ACVR1B: variants seen among roughly 807,000 people sequenced by gnomAD.
The protein encoded by ACVR1B is activin receptor type-1B.
Under a neutral mutation model 55.6 loss-of-function variants are expected in ACVR1B, and 15 were observed. The ratio of observed to expected loss-of-function variants is 0.27; its 90% confidence interval spans 0.18 to 0.42. The LOEUF is 0.42. ACVR1B is among the 10% of genes least tolerant of loss of function. The pLI is 1.00. For synonymous variants in ACVR1B, 247 were observed against 254.6 expected (o/e 0.97, Z 0.28); for missense variants, 359 against 670.1 (o/e 0.54, Z 5.13).
chr12:51,978,546 C>A (rs1424411673), intron 3 of ACVR1B, among the ~76,000 whole-genome samples: 3 of 152,012 alleles, frequency 2.0e-5, no homozygotes, highest in African/African-American at 7.2e-5. Flanking sequence ...AGAGCCTGAC[C>A]CGGCCAGGCG....
rs1942195311 is a variant in ACVR1B at position 51,991,734 on chromosome 12, T to C, written c.1262-129T>C. On this transcript the variant is annotated intron_variant, in intron 7 of 8. Transcript: ENST00000257963. ...TGTATTTCTTGTTCCATACTTAGAA[T>C]TAACTAACTTTCTAAGGAACCTTAG... 3.9e-6 allele frequency: 4 copies of C among 1,022,694 alleles called. No homozygotes were observed. The African/African-American group carries it at 6.5e-5, about 17-fold the overall frequency. 63.4% of individuals were successfully genotyped at this position (1,022,694 alleles called of 1,614,324 possible). A position where few individuals can be genotyped will look rare whatever the true frequency, so the allele number is the denominator to read the frequency against.
chr12:51,963,968 T>C (rs1428446235), intron 1 of ACVR1B, among the ~76,000 whole-genome samples: 1 of 152,218 alleles, frequency 6.6e-6, no homozygotes, highest in Non-Finnish European at 1.5e-5. Context: ...CTTTTTCATA[T>C]TGTTATGGCC....
chr12:51,954,172 G>C lies in ACVR1B; in HGVS notation c.91+2338G>C, dbSNP rs367770750. On this transcript the variant is annotated intron_variant, in intron 1 of 8. Coordinates refer to ENST00000257963, the MANE Select transcript of ACVR1B (RefSeq NM_004302.5). The stretch of plus-strand genomic sequence containing the variant: ...AGGAGTGACAGAGCCAGACAGCTCT[G>C]ATGCCTGATACTTGGACTTGATGTG... Among the ~76,000 whole-genome samples, 7 of 152,316 alleles carry C rather than the reference G, an allele frequency of 4.6e-5. No individual in the cohort carries two copies. In the East Asian group the frequency reaches 1.2e-3, roughly 25 times the overall value.
rs1392486080 is a variant in ACVR1B, at chr12:51,994,242, G to T, written c.*132G>T. ...GCCAGGAGCCCTGGCCCGCAAGAGG[G>T]ACAGAGCCCGGGAGAGACTCGCTCA... On this transcript the variant is annotated 3_prime_UTR_variant, in exon 9 of 9. Transcript: ENST00000257963. This position sits in a 1 kb window ranked among gnomAD's most constrained non-coding sequence, Gnocchi z 4.2. The T allele has an allele frequency of 7.4e-6, 10 of 1,344,186 alleles. No individual in the cohort carries two copies. The highest frequency in any genetic ancestry group is 1.0e-5 in the Non-Finnish European group (10 of 987,690). The allele number at this position is 1,344,186 out of a possible 1,614,324, so 83.3% of individuals were successfully genotyped here.
chr12:51,993,947 G>A lies in ACVR1B; in HGVS notation c.1393-38G>A, dbSNP rs754570989. The A allele has an allele frequency of 2.5e-6, 4 of 1,611,454 alleles. No individual in the cohort carries two copies. The East Asian group carries it at 8.9e-5, about 36-fold the overall frequency. On this transcript the variant is annotated intron_variant, in intron 8 of 8. Coordinates refer to ENST00000257963, the MANE Select transcript of ACVR1B (RefSeq NM_004302.5). ...CTAGGGACCAGAAAGGCTTCTCCAG[G>A]GCATGACCGAGCTGATGGCTCCTGG... is the stretch of plus-strand genomic sequence containing the variant.
At chr12:51,962,577 A>G (rs1941554970) in intron 1 of ACVR1B, among the ~76,000 whole-genome samples, 1 of 152,148 alleles carries the variant, frequency 6.6e-6, no homozygotes, top group Admixed American at 6.5e-5. Context: ...TATTTAGGCT[A>G]GTTAGAACTT....
intron 4 of ACVR1B, among the ~76,000 whole-genome samples, chr12:51,982,212 TC>T (rs931039877): frequency 1.8e-4 from 28 of 152,266 alleles, no homozygotes; most frequent in African/African-American, 6.7e-4. Context: ...AGAAAAATCT[TC>T]CTTGCAGGGA....
At chr12:51,987,016 C>A in intron 7 of ACVR1B, 74 bp downstream of exon 7, 1 of 1,603,490 alleles carries the variant, frequency 6.2e-7, no homozygotes, top group Non-Finnish European at 8.5e-7. Context: ...TTTTACTGCC[C>A]CCTTTCTTTT....
intron 1 of ACVR1B, among the ~76,000 whole-genome samples, chr12:51,961,054 C>G (rs1305796734): frequency 1.0e-5 from 1 of 96,982 alleles, no homozygotes; most frequent in Non-Finnish European, 2.4e-5. Context: ...CTCCCCACTT[C>G]TCTTCCTAGC....
intron 1 of ACVR1B, chr12:51,953,535 C>T (rs1018270152): frequency 1.0e-6 from 1 of 982,422 alleles, no homozygotes; most frequent in Admixed American, 6.3e-5. Flanking sequence ...GGATGTTCGT[C>T]GGGCCTTATT....
intron 8 of ACVR1B, among the ~76,000 whole-genome samples, chr12:51,993,417 A>C (rs971014086): frequency 1.3e-5 from 2 of 152,158 alleles, no homozygotes; most frequent in African/African-American, 4.8e-5. Flanking sequence ...TGAGACCAAA[A>C]GAGCTGGCCG....
At chr12:51,969,542 C>T (rs753712893) in intron 1 of ACVR1B, among the ~76,000 whole-genome samples, 41 of 152,202 alleles carry the variant, frequency 2.7e-4, no homozygotes, top group Non-Finnish European at 1.3e-4. Flanking sequence ...ACTACCCACT[C>T]GAGAGAAGGT....
At chr12:51,961,526 T>C (rs913064846) in intron 1 of ACVR1B, among the ~76,000 whole-genome samples, 2 of 152,234 alleles carry the variant, frequency 1.3e-5, no homozygotes, top group Non-Finnish European at 2.9e-5. Flanking sequence ...TCCAGCCAAA[T>C]GAACTTGATC....
intron 1 of ACVR1B, among the ~76,000 whole-genome samples, chr12:51,970,427 G>A (rs1175904124): frequency 2.0e-5 from 3 of 152,140 alleles, no homozygotes; most frequent in Non-Finnish European, 4.4e-5. Context: ...AGTTCCTGTG[G>A]GGATCACAGG....
chr12:51,974,822 G>A (rs552355678), intron 1 of ACVR1B, among the ~76,000 whole-genome samples: 50 of 152,324 alleles, frequency 3.3e-4, no homozygotes, highest in African/African-American at 1.2e-3. Context: ...CAGGAAAAAA[G>A]CATTGCAGCA....
chr12:51,986,827 C>A lies in ACVR1B; in HGVS notation c.1146C>A (p.Ala382=), dbSNP rs149117607. The A allele has an allele frequency of 1.2e-5, 19 of 1,611,778 alleles. No individual in the cohort carries two copies. Among genetic ancestry groups the A allele is most frequent in the Non-Finnish European group, 1.6e-5 (19 of 1,178,416 alleles). The part of the protein sequence containing the change: ...NQRVGTKRYM[A]PEVLDETINM... ...TGTTTTGCTATTGCAGATACATGGC[C>A]CCTGAAGTACTTGATGAAACCATTA... Residue 382 remains alanine (A), a synonymous_variant, in exon 7 of 9, where the codon GCC becomes GCA. Coordinates refer to ENST00000257963, the MANE Select transcript of ACVR1B (RefSeq NM_004302.5).
intron 8 of ACVR1B, chr12:51,992,229 G>A: frequency 1.7e-6 from 1 of 572,212 alleles, no homozygotes; most frequent in Admixed American, 3.2e-5. Flanking sequence ...TTTGGGCCTG[G>A]TGTGGTGGCA....
intron 4 of ACVR1B, among the ~76,000 whole-genome samples, chr12:51,981,949 C>T (rs796153074): frequency 6.6e-6 from 1 of 152,214 alleles, no homozygotes; most frequent in African/African-American, 2.4e-5. Context: ...CACGAAGTGT[C>T]GCCTTCGGAC....
At chr12:51,986,391 T>C (rs951666751) in intron 6 of ACVR1B, among the ~76,000 whole-genome samples, 24 of 152,200 alleles carry the variant, frequency 1.6e-4, no homozygotes, top group African/African-American at 5.8e-4. Context: ...CCCGAGTAGC[T>C]GGGATTACAG....
Sources: gnomAD v4.1 joint callset for allele counts (sites outside exome capture counted in the v4.1 genomes callset) on GRCh38, gnomAD v4.1.1 for gene constraint, Gnocchi (gnomAD v3.1) non-coding constraint, MANE v1.5 for transcripts, NCBI Gene and HGNC (gene_info 2026-07-23, HGNC 2026-07-21) for gene names.